Variants in RNF17 observed in about 807,000 individuals in gnomAD.
RNF17 encodes spermatogenesis associated 23.
In RNF17, 31 loss-of-function variants were observed where a neutral mutation model predicts 200.5. The observed-to-expected ratio is 0.15, with a 90% CI of 0.12 to 0.21. The LOEUF (loss-of-function observed/expected upper bound fraction) is 0.21. RNF17 is among the 10% of genes least tolerant of loss of function. The probability of loss-of-function intolerance (pLI) is 1.00; values close to 1 mark genes in which losing one functional copy is unlikely to be tolerated. For missense variants in RNF17, 1,628 were observed against 1,905.1 expected (o/e 0.85, Z 2.71); for synonymous variants, 606 against 637.8 (o/e 0.95, Z 0.75).
the RNF17 span, among the ~76,000 whole-genome samples, chr13:24,749,095 A>G: frequency 5.7e-4 from 86 of 152,200 alleles, no homozygotes; most frequent in African/African-American, 1.9e-3. Context: ...AGAGAAGTGT[A>G]CCTTGCTCAC....
Position 24,799,427 on chromosome 13 carries a change from G to C in RNF17, c.1432G>C (p.Gly478Arg). 1 of 1,608,878 alleles carries C rather than the reference G, an allele frequency of 6.2e-7. No homozygotes were observed. Among genetic ancestry groups the C allele is most frequent in the Non-Finnish European group, 8.5e-7 (1 of 1,177,528 alleles). The change falls in exon 12 of 36, where the codon GGA becomes CGA. Residue 478 changes from glycine (G) to arginine (R), a missense_variant. Gly to Arg is a moderately radical substitution (Grantham distance 125). Around this residue, in one of 5 missense-constraint regions of RNF17, gnomAD observed 289 missense variants for 384.9 expected, o/e 0.75. Transcript: ENST00000255324. ...ARIFVSSIKN[G>R]MWCRGTITEL... ...AATATTTGTCAGCAGTATTAAAAAT[G>C]GAATGTGGTGTCGAGGAACTATCAC...
chr13:24,754,173 A>AT, the RNF17 span, among the ~76,000 whole-genome samples: 33 of 152,018 alleles, frequency 2.2e-4, no homozygotes, highest in African/African-American at 3.6e-4. Flanking sequence ...AAATTAAAAA[A>AT]AAAATAAAAT....
In RNF17 at chr13:24,862,754, A is replaced by G. The variant is rs1231213180; in HGVS notation, c.3936A>G (p.Gln1312=). Residue 1312 remains glutamine (Q), a synonymous_variant, in exon 28 of 36, where the codon CAA becomes CAG. Coordinates refer to ENST00000255324, the MANE Select transcript of RNF17 (RefSeq NM_031277.3). The part of the protein sequence containing the change: ...VWQPDAIEVL[Q]QLLSKRQVDI... ...AACCAGATGCAATAGAAGTTCTTCA[A>G]CAACTGCTTTCAAAGAGACAGGTGG... 1 of 1,609,620 alleles carries G rather than the reference A, an allele frequency of 6.2e-7. No homozygotes were observed. Among genetic ancestry groups the G allele is most frequent in the Admixed American group, 1.7e-5 (1 of 60,018 alleles).
chr13:24,873,576 A>G (rs1014363265), intron 32 of RNF17, among the ~76,000 whole-genome samples: 3 of 152,186 alleles, frequency 2.0e-5, no homozygotes, highest in African/African-American at 4.8e-5. Context: ...CAAGACTTCT[A>G]GTTAATCTGA....
intron 16 of RNF17, among the ~76,000 whole-genome samples, chr13:24,827,066 A>G (rs910029295): frequency 6.6e-6 from 1 of 151,918 alleles, no homozygotes; most frequent in African/African-American, 2.4e-5. Context: ...GTTTCAAGAA[A>G]AAAAAAAGAG....
chr13:24,863,754 C>T (rs12427533), intron 28 of RNF17, among the ~76,000 whole-genome samples: 61,836 of 152,068 alleles, frequency 0.41, 12,625 homozygotes, highest in Admixed American at 0.45. Flanking sequence ...ACAGCTTTCA[C>T]TGCTTCTTCG....
At chr13:24,771,781 G>A (rs989313659) in intron 2 of RNF17, among the ~76,000 whole-genome samples, 1 of 151,930 alleles carries the variant, frequency 6.6e-6, no homozygotes, top group African/African-American at 2.4e-5. Context: ...TGAGGTGGGT[G>A]GATCACATGA....
At chr13:24,779,148 G>A (rs1451433306) in intron 4 of RNF17, among the ~76,000 whole-genome samples, 1 of 151,784 alleles carries the variant, frequency 6.6e-6, no homozygotes, top group Non-Finnish European at 1.5e-5. Flanking sequence ...AGTGAGCAGA[G>A]ATAGCATCAC....
At chr13:24,779,162 A>T (rs1046986440) in intron 4 of RNF17, among the ~76,000 whole-genome samples, 1 of 151,976 alleles carries the variant, frequency 6.6e-6, no homozygotes, top group Non-Finnish European at 1.5e-5. Context: ...GCATCACTGC[A>T]CTCCAGCCTG....
chr13:24,877,016 C>T lies in RNF17; in HGVS notation c.4603C>T (p.His1535Tyr), dbSNP rs1430763186. The T allele has an allele frequency of 6.3e-7, 1 of 1,597,024 alleles. No homozygotes were observed. The highest frequency in any genetic ancestry group is 8.5e-7 in the Non-Finnish European group (1 of 1,175,318). Reference protein sequence around the residue: ...TLNRLCQIPSHLMRYPARAIK... With the variant: ...TLNRLCQIPSYLMRYPARAIK... The stretch of plus-strand genomic sequence containing the variant: ...TGACAGACTGTGCCAAATTCCTTCT[C>T]ATCTTATGCGGTATCCAGCTCGAGC... Residue 1535 changes from histidine (H) to tyrosine (Y), a missense_variant, in exon 34 of 36, where the codon CAT (histidine) becomes TAT (tyrosine). His to Tyr is a moderately conservative substitution (Grantham distance 83). Transcript: ENST00000255324.
intron 16 of RNF17, among the ~76,000 whole-genome samples, chr13:24,827,722 A>AC (rs1888880425): frequency 6.8e-6 from 1 of 146,732 alleles, no homozygotes; most frequent in East Asian, 2.0e-4. Flanking sequence ...AAAAAACAAA[A>AC]AAAAAAAAAC....
chr13:24,859,642 C>T (rs369233465), intron 26 of RNF17, among the ~76,000 whole-genome samples: 2 of 151,824 alleles, frequency 1.3e-5, no homozygotes, highest in South Asian at 2.1e-4. Flanking sequence ...GAAAATACCT[C>T]TAATACATTG....
rs369540588 is a variant in RNF17 at position 24,764,174 on chromosome 13, C to T, written c.-30C>T. 151 of 1,561,534 alleles carry T rather than the reference C, an allele frequency of 9.7e-5. 1 individual carries two copies. Among genetic ancestry groups the T allele is most frequent in the Non-Finnish European group, 1.3e-4 (146 of 1,142,562 alleles). On this transcript the variant is annotated 5_prime_UTR_variant, in exon 1 of 36. Coordinates refer to ENST00000255324, the MANE Select transcript of RNF17 (RefSeq NM_031277.3). ...CGCGAGGGCCGCCGGGACTCGCACT[C>T]GGCGGTTGTTCCAGAAGAAAGAGAC...
intron 15 of RNF17, among the ~76,000 whole-genome samples, chr13:24,812,155 T>A (rs1886730215): frequency 6.9e-6 from 1 of 145,632 alleles, no homozygotes; most frequent in Non-Finnish European, 1.5e-5. Flanking sequence ...CTCCTTGAGC[T>A]GTGGTGGGCT....
At chr13:24,805,735 A>G (rs1648692987) in intron 15 of RNF17, among the ~76,000 whole-genome samples, 1 of 152,084 alleles carries the variant, frequency 6.6e-6, no homozygotes, top group Admixed American at 6.6e-5. Flanking sequence ...TGATTGCTGG[A>G]TTATATGGTA....
intron 18 of RNF17, among the ~76,000 whole-genome samples, chr13:24,832,844 A>G (rs1420908990): frequency 6.6e-6 from 1 of 152,176 alleles, no homozygotes; most frequent in Non-Finnish European, 1.5e-5. Context: ...CCAGGGCTCA[A>G]GTGATCTTCC....
chr13:24,859,203 A>G, intron 26 of RNF17, 39 bp downstream of exon 26: 1 of 1,461,080 alleles, frequency 6.8e-7, no homozygotes, highest in Non-Finnish European at 9.3e-7. Context: ...CTAAAGCTAA[A>G]TGCTATAGCA....
At chr13:24,873,883 A>T (rs1422989341) in intron 32 of RNF17, among the ~76,000 whole-genome samples, 1 of 152,206 alleles carries the variant, frequency 6.6e-6, no homozygotes, top group East Asian at 1.9e-4. Context: ...AAATAACAGG[A>T]TTCCATTCTT....
At position 24,854,053 on chromosome 13, in the gene RNF17, G is replaced by T. The variant is rs767256861; in HGVS notation, c.3519G>T (p.Lys1173Asn). ...AACCAAGAACCACTAGAGGGTATAA[G>T]CCACCAGCTATTCCTAACATGAACG... ...ILEPRTTRGYKPPAIPNMNVF... is the reference protein window; with the variant it reads ...ILEPRTTRGYNPPAIPNMNVF... The change falls in exon 25 of 36, where the codon AAG becomes AAT. Residue 1173 changes from lysine to asparagine, a missense_variant. Transcript: ENST00000255324. The T allele has an allele frequency of 6.2e-7, 1 of 1,613,970 alleles. No homozygotes were observed. The highest frequency in any genetic ancestry group is 2.2e-5 in the East Asian group (1 of 44,856).
Sources: allele counts gnomAD v4.1 joint callset (sites outside exome capture counted in the v4.1 genomes callset), GRCh38; gene constraint gnomAD v4.1.1; regional missense constraint gnomAD v4.1.1; transcripts MANE v1.5; gene names NCBI Gene and HGNC (gene_info 2026-07-23, HGNC 2026-07-21).